CNIH4: variants seen among roughly 807,000 people sequenced by gnomAD.
The protein encoded by CNIH4 is protein cornichon homolog 4.
A neutral mutation model predicts 21.5 loss-of-function variants in CNIH4; 9 were observed. That is an observed-to-expected ratio of 0.42 (90% CI 0.25 to 0.73). The LOEUF (loss-of-function observed/expected upper bound fraction) is 0.73, where lower values mean the gene tolerates loss of function less well. CNIH4 is among the 30% of genes least tolerant of loss of function. The pLI, the probability that CNIH4 is intolerant of heterozygous loss-of-function variation, is 0.27. For missense variants in CNIH4, 159 were observed against 170.0 expected, an observed-to-expected ratio of 0.94 and a Z score of 0.36; for synonymous variants, 67 against 59.1, an observed-to-expected ratio of 1.13 and a Z score of -0.61.
Position 224,379,436 on chromosome 1 carries a change from T to G in CNIH4, c.*3614T>G. ...CTTGCACACAAACAATAAATGATTGTTGAGTGAATAAGTAAACCTGATTGT... is the reference window on the plus strand; with the variant it reads ...CTTGCACACAAACAATAAATGATTGGTGAGTGAATAAGTAAACCTGATTGT... On this transcript the variant is annotated 3_prime_UTR_variant, in exon 5 of 5. Coordinates refer to ENST00000465271, the MANE Select transcript of CNIH4 (RefSeq NM_014184.4). 4.0e-6 allele frequency: 1 copy of G among 248,244 alleles called. No homozygotes were observed. Among genetic ancestry groups the G allele is most frequent in the Non-Finnish European group, 8.0e-6 (1 of 125,302 alleles). The allele number at this position is 248,244 out of a possible 1,614,324, so 15.4% of individuals were successfully genotyped here.
chr1:224,366,304 A>T (rs1036642673), intron 3 of CNIH4, among the ~76,000 whole-genome samples: 1 of 151,120 alleles, frequency 6.6e-6, no homozygotes, highest in Admixed American at 6.6e-5. Flanking sequence ...GGCCTCCCAA[A>T]GGGCTGGGAT....
chr1:224,365,929 C>CAT lies in CNIH4; in HGVS notation c.190_191dup (p.Met64IlefsTer45), dbSNP rs867611119. The CAT allele has an allele frequency of 6.2e-7, 1 of 1,613,238 alleles. No homozygotes were observed. The highest frequency in any genetic ancestry group is 8.5e-7 in the Non-Finnish European group (1 of 1,179,178). ...ATACCATTGTCACTGTATTACTGCT[C>CAT]ATGTCATTGCACTGGTTCATCTTCC... is the stretch of plus-strand genomic sequence containing the variant. On this transcript the variant is annotated frameshift_variant, in exon 3 of 5. Coordinates refer to ENST00000465271, the MANE Select transcript of CNIH4 (RefSeq NM_014184.4). LOFTEE classifies it high-confidence loss of function.
intron 2 of CNIH4, among the ~76,000 whole-genome samples, chr1:224,364,652 C>T (rs756263239): frequency 2.0e-5 from 3 of 152,000 alleles, no homozygotes; most frequent in Non-Finnish European, 4.4e-5. Context: ...AAAGTATAGC[C>T]GGCAGGGCGC....
At chr1:224,361,114 A>ATTT (rs34687621) in intron 2 of CNIH4, among the ~76,000 whole-genome samples, 3 of 128,930 alleles carry the variant, frequency 2.3e-5, no homozygotes, top group Non-Finnish European at 3.3e-5. Flanking sequence ...TGCCTGGCTA[A>ATTT]TTTTTTTTTT....
rs370933860 is a variant in CNIH4, at chr1:224,366,251, C to T, written c.251+260C>T. On this transcript the variant is annotated intron_variant, in intron 3 of 4. Transcript: ENST00000465271. ...GAGACAGGGTTTCACCATGTTGGCCCGGCTGGTCTTGAACTCCTGACCTCA... is the reference window on the plus strand; with the variant it reads ...GAGACAGGGTTTCACCATGTTGGCCTGGCTGGTCTTGAACTCCTGACCTCA... 5.7e-4 allele frequency among the ~76,000 whole-genome samples: 87 copies of T among 151,844 alleles called. 1 individual carries two copies. The highest frequency in any genetic ancestry group is 1.9e-3 in the African/African-American group (80 of 41,428).
rs1672852754 is a variant in CNIH4, at chr1:224,379,101, C to G, written c.*3279C>G. 2 of 1,550,456 alleles carry G rather than the reference C, an allele frequency of 1.3e-6. No individual in the cohort carries two copies. The highest frequency in any genetic ancestry group is 8.7e-7 in the Non-Finnish European group (1 of 1,146,988). ...AACTGCCCTTGCTAATCACCGTAACCTCGGCTGAGAAAGAAGAGGAAGCGA... is the reference window on the plus strand; with the variant it reads ...AACTGCCCTTGCTAATCACCGTAACGTCGGCTGAGAAAGAAGAGGAAGCGA... On this transcript the variant is annotated 3_prime_UTR_variant, in exon 5 of 5. Transcript: ENST00000465271.
At chr1:224,368,034 A>G (rs560745133) in intron 3 of CNIH4, among the ~76,000 whole-genome samples, 1 of 152,374 alleles carries the variant, frequency 6.6e-6, no homozygotes, top group African/African-American at 2.4e-5. Context: ...GTCAAGTCCA[A>G]AGATTCTTTT....
chr1:224,370,689 C>T (rs750639441), intron 3 of CNIH4, among the ~76,000 whole-genome samples: 1 of 152,134 alleles, frequency 6.6e-6, no homozygotes, highest in Non-Finnish European at 1.5e-5. Context: ...TGGTAGTTTT[C>T]TACAGATGAG....
intron 2 of CNIH4, among the ~76,000 whole-genome samples, chr1:224,361,685 C>T (rs547852470): frequency 2.0e-5 from 3 of 151,842 alleles, no homozygotes; most frequent in Non-Finnish European, 2.9e-5. Context: ...TAGGCTCAAG[C>T]GATCCTTCCA....
Position 224,365,907 on chromosome 1 carries a change from C to T in CNIH4, c.167C>T (p.Thr56Ile), listed in dbSNP as rs774410620. The T allele has an allele frequency of 1.9e-6, 3 of 1,611,634 alleles. No homozygotes were observed. The highest frequency in any genetic ancestry group is 2.2e-5 in the East Asian group (1 of 44,868). ...KWVIPELIGH[T>I]IVTVLLLMSL... ...GTAATTCCAGAATTGATTGGCCATA[C>T]CATTGTCACTGTATTACTGCTCATG... The change falls in exon 3 of 5, where the codon ACC becomes ATC. Residue 56 changes from threonine (T) to isoleucine (I), a missense_variant. Physicochemically the swap from Thr to Ile is moderately conservative, Grantham distance 89. Transcript: ENST00000465271.
At chr1:224,366,035 A>C (rs1346682009) in intron 3 of CNIH4, 44 bp downstream of exon 3, 4 of 1,290,750 alleles carry the variant, frequency 3.1e-6, no homozygotes, top group Non-Finnish European at 4.5e-6. Context: ...AGTTAAAAAA[A>C]AATTTAAAAA....
At position 224,357,244 on chromosome 1, in the gene CNIH4, G is replaced by A. The variant is rs964185484; in HGVS notation, c.69+251G>A. On this transcript the variant is annotated intron_variant, in intron 1 of 4. Transcript: ENST00000465271. ...GGGTTGCCGGCCGCCCCTCACTCGGGTCCGAGTGGGCCTCTCCGGGCGCGC... is the reference window on the plus strand; with the variant it reads ...GGGTTGCCGGCCGCCCCTCACTCGGATCCGAGTGGGCCTCTCCGGGCGCGC... 12 of 426,720 alleles carry A rather than the reference G, an allele frequency of 2.8e-5. No individual in the cohort carries two copies. In the South Asian group the frequency reaches 4.5e-4, roughly 16 times the overall value. 26.4% of individuals were successfully genotyped at this position (426,720 alleles called of 1,614,324 possible).
intron 1 of CNIH4, among the ~76,000 whole-genome samples, chr1:224,359,919 G>A (rs1354179157): frequency 6.6e-6 from 1 of 152,138 alleles, no homozygotes; most frequent in Non-Finnish European, 1.5e-5. Flanking sequence ...ATCACTTGAA[G>A]CCAGGAGTTC....
At chr1:224,368,717 C>T (rs1672536721) in intron 3 of CNIH4, among the ~76,000 whole-genome samples, 2 of 151,404 alleles carry the variant, frequency 1.3e-5, no homozygotes, top group African/African-American at 2.4e-5. Flanking sequence ...AGTGCAGTGG[C>T]GTGATGTTTG....
At chr1:224,369,517 G>A (rs555805424) in intron 3 of CNIH4, among the ~76,000 whole-genome samples, 21 of 152,122 alleles carry the variant, frequency 1.4e-4, no homozygotes, top group African/African-American at 5.1e-4. Context: ...AGGAGGTTGC[G>A]CTGAGCCGAG....
At chr1:224,356,869 G>C, upstream of CNIH4, 2 of 1,462,368 alleles carry the variant, frequency 1.4e-6, no homozygotes, top group South Asian at 2.4e-5. Flanking sequence ...TATCAGGGGT[G>C]GGTCGGGGCA....
chr1:224,361,360 C>T (rs1329740343), intron 2 of CNIH4, among the ~76,000 whole-genome samples: 2 of 151,880 alleles, frequency 1.3e-5, no homozygotes, highest in African/African-American at 2.4e-5. Context: ...TCAAGTGATT[C>T]GCCTGCCTCA....
At chr1:224,362,085 A>AT (rs35913393) in intron 2 of CNIH4, among the ~76,000 whole-genome samples, 99,272 of 145,360 alleles carry the variant, frequency 0.68, 35,843 homozygotes, top group East Asian at 0.95. Flanking sequence ...GTACCATGCC[A>AT]TTTTTTTTTT....
chr1:224,376,298 A>T lies in CNIH4; in HGVS notation c.*476A>T. On this transcript the variant is annotated 3_prime_UTR_variant, in exon 5 of 5. Coordinates refer to ENST00000465271, the MANE Select transcript of CNIH4 (RefSeq NM_014184.4). ...CAACTTCATTTAATATGGTTTAAAG[A>T]TTTATGAGACTGTCAGCTAAAAGTC... is the stretch of plus-strand genomic sequence containing the variant. 1.0e-6 allele frequency: 1 copy of T among 985,736 alleles called. No individual in the cohort carries two copies. Among genetic ancestry groups the T allele is most frequent in the Non-Finnish European group, 1.2e-6 (1 of 830,128 alleles). 61.1% of individuals were successfully genotyped at this position (985,736 alleles called of 1,614,324 possible).
Sources: allele counts gnomAD v4.1 joint callset (sites outside exome capture counted in the v4.1 genomes callset), GRCh38; gene constraint gnomAD v4.1.1; transcripts MANE v1.5; gene names NCBI Gene and HGNC (gene_info 2026-07-23, HGNC 2026-07-21).